The following DENND1A variants were observed in gnomAD, a reference collection of about 807,000 sequenced individuals.
DENND1A encodes the protein DENN domain containing 1A, also known as DENN domain-containing protein 1A.
In DENND1A, 51 loss-of-function variants were observed where a neutral mutation model predicts 113.7. The observed-to-expected ratio is 0.45, with a 90% CI of 0.36 to 0.57. The LOEUF is 0.57. Among genes scored for constraint, DENND1A ranks in the 20% least tolerant of loss-of-function variants. The probability of loss-of-function intolerance (pLI) is 0.00; values close to 1 mark genes in which losing one functional copy is unlikely to be tolerated. For missense variants in DENND1A, 1,258 were observed against 1,395.9 expected (o/e 0.90, Z 1.57); for synonymous variants, 565 against 570.8 (o/e 0.99, Z 0.14).
chr9:123,876,113 A>T (rs1847421787), intron 2 of DENND1A, among the ~76,000 whole-genome samples: 1 of 152,210 alleles, frequency 6.6e-6, no homozygotes, highest in South Asian at 2.1e-4. Context: ...AGATACTTTT[A>T]CCAAAAACCA....
chr9:123,415,846 C>T (rs188361193), intron 19 of DENND1A, among the ~76,000 whole-genome samples: 6 of 152,086 alleles, frequency 3.9e-5, no homozygotes, highest in African/African-American at 9.7e-5. Flanking sequence ...GTGGTGGGGC[C>T]ATCGGCCATG....
intron 23 of DENND1A, among the ~76,000 whole-genome samples, chr9:123,383,318 G>A (rs1182315586): frequency 6.6e-6 from 1 of 152,236 alleles, no homozygotes; most frequent in Admixed American, 6.5e-5. Context: ...AGGAGCCCTG[G>A]CAGGGATGGA....
At chr9:123,563,772 C>CAATATTTA (rs1273853037) in intron 12 of DENND1A, among the ~76,000 whole-genome samples, 13 of 152,124 alleles carry the variant, frequency 8.5e-5, no homozygotes, top group Non-Finnish European at 1.5e-5. Flanking sequence ...TTCCTTAGCA[C>CAATATTTA]AATATTTAAG....
At chr9:123,565,829 A>G (rs987020376) in intron 12 of DENND1A, among the ~76,000 whole-genome samples, 1 of 152,228 alleles carries the variant, frequency 6.6e-6, no homozygotes, top group African/African-American at 2.4e-5. Context: ...AAAAGTCTTA[A>G]TATGTCAAAG....
In DENND1A at chr9:123,456,156, C is replaced by T. The variant is rs578189802; in HGVS notation, c.1186+1192G>A. 3.3e-5 allele frequency among the ~76,000 whole-genome samples: 5 copies of T among 152,176 alleles called. No individual in the cohort carries two copies. The South Asian group carries it at 1.0e-3, about 32-fold the overall frequency. On this transcript the variant is annotated intron_variant, in intron 15 of 23. Coordinates refer to ENST00000394215, the MANE Select transcript of DENND1A (RefSeq NM_001352964.2). ...ATGCAGCACAGGCTGGGAGGGCCTG[C>T]AATGTTTATAGGTGTATACTGTGCC...
chr9:123,485,632 G>A (rs1038961036), intron 13 of DENND1A: 1 of 135,734 alleles, frequency 7.4e-6, no homozygotes, highest in African/African-American at 3.1e-5. Context: ...GTGTGTGTGT[G>A]CGCGTACACA....
At chr9:123,851,543 C>T (rs1843362316) in intron 2 of DENND1A, among the ~76,000 whole-genome samples, 1 of 152,134 alleles carries the variant, frequency 6.6e-6, no homozygotes, top group African/African-American at 2.4e-5. Flanking sequence ...TGCAAGACCT[C>T]CAAAAGACCT....
intron 12 of DENND1A, among the ~76,000 whole-genome samples, chr9:123,576,682 G>A (rs1009954182): frequency 2.0e-5 from 3 of 152,064 alleles, no homozygotes; most frequent in Non-Finnish European, 4.4e-5. Flanking sequence ...TAGAGACGGG[G>A]TTTCACCATG....
chr9:123,468,406 G>A lies in DENND1A; in HGVS notation c.994-10509C>T, dbSNP rs140000789. Among the ~76,000 whole-genome samples, 374 of 152,296 alleles carry A rather than the reference G, an allele frequency of 2.5e-3. 2 individuals carry two copies. The highest frequency in any genetic ancestry group is 4.4e-3 in the Non-Finnish European group (302 of 68,016). ...CAACTGACTCCAGTGCAGCTAAGGCGGACAACCCCTGGTACAGGTGAAAGT... is the reference window on the plus strand; with the variant it reads ...CAACTGACTCCAGTGCAGCTAAGGCAGACAACCCCTGGTACAGGTGAAAGT... On this transcript the variant is annotated intron_variant, in intron 13 of 23. Coordinates refer to ENST00000394215, the MANE Select transcript of DENND1A (RefSeq NM_001352964.2).
At chr9:123,537,407 G>C (rs2055866892) in intron 13 of DENND1A, among the ~76,000 whole-genome samples, 1 of 151,666 alleles carries the variant, frequency 6.6e-6, no homozygotes, top group African/African-American at 2.4e-5. Flanking sequence ...AAGAAATAAA[G>C]AGATAAAAGA....
At chr9:123,435,055 C>T (rs747338943) in intron 19 of DENND1A, among the ~76,000 whole-genome samples, 4 of 152,110 alleles carry the variant, frequency 2.6e-5, no homozygotes, top group Non-Finnish European at 4.4e-5. Context: ...CAGCCTGTGT[C>T]ATTCACTGGG....
At chr9:123,417,924 C>T (rs570929010) in intron 19 of DENND1A, among the ~76,000 whole-genome samples, 1 of 151,764 alleles carries the variant, frequency 6.6e-6, no homozygotes, top group Admixed American at 6.6e-5. Flanking sequence ...GGACAGGGGA[C>T]CCACAGTGGT....
chr9:123,897,494 C>T (rs1850940743), intron 1 of DENND1A, among the ~76,000 whole-genome samples: 1 of 152,186 alleles, frequency 6.6e-6, no homozygotes, highest in South Asian at 2.1e-4. Context: ...TTCTTTTCTA[C>T]TCTGTCCTCT....
intron 2 of DENND1A, among the ~76,000 whole-genome samples, chr9:123,867,465 G>T (rs611594): frequency 3.4e-4 from 51 of 152,198 alleles, no homozygotes; most frequent in African/African-American, 1.2e-3. Context: ...CTGAAGATCG[G>T]TATTTTTAAG....
chr9:123,817,550 T>C (rs1837698923), intron 2 of DENND1A, among the ~76,000 whole-genome samples: 1 of 152,236 alleles, frequency 6.6e-6, no homozygotes, highest in African/African-American at 2.4e-5. Flanking sequence ...TAAATTATTT[T>C]GGGAGTCCCC....
rs138877727 is a variant in DENND1A at position 123,777,245 on chromosome 9, T to C, written c.133-7682A>G. On this transcript the variant is annotated intron_variant, in intron 3 of 23. Transcript: ENST00000394215. The stretch of plus-strand genomic sequence containing the variant: ...CTCCAGTATGCAGTCATTGGAGTAT[T>C]GGAAGCCCCAGCCTTCATTTCTGTA... Among the ~76,000 whole-genome samples the C allele has an allele frequency of 7.5e-3, 1,148 of 152,352 alleles. 12 individuals are homozygous for C. Among genetic ancestry groups the C allele is most frequent in the African/African-American group, 0.027 (1,109 of 41,578 alleles).
At chr9:123,486,613 A>T (rs779804324) in intron 13 of DENND1A, among the ~76,000 whole-genome samples, 2 of 152,198 alleles carry the variant, frequency 1.3e-5, no homozygotes, top group Non-Finnish European at 2.9e-5. Context: ...ACTAAATGGC[A>T]TGTGTCCAGC....
At chr9:123,534,882 T>G (rs2055611245) in intron 13 of DENND1A, among the ~76,000 whole-genome samples, 1 of 152,228 alleles carries the variant, frequency 6.6e-6, no homozygotes, top group Non-Finnish European at 1.5e-5. Context: ...GCAAGTATTA[T>G]CTTCCTGTCT....
At chr9:123,401,450 C>T (rs926609950) in intron 21 of DENND1A, 8 of 1,090,676 alleles carry the variant, frequency 7.3e-6, no homozygotes, top group African/African-American at 6.4e-5. Flanking sequence ...GTTAAACAAA[C>T]GTGAACAGAA....
Sources: allele counts gnomAD v4.1 joint callset (sites outside exome capture counted in the v4.1 genomes callset), GRCh38; gene constraint gnomAD v4.1.1; transcripts MANE v1.5; gene names NCBI Gene and HGNC (gene_info 2026-07-23, HGNC 2026-07-21).